The following CLSTN2 variants were observed in gnomAD, a reference collection of about 807,000 sequenced individuals.
The protein encoded by CLSTN2 is calsyntenin-2.
Under a neutral mutation model 101.2 loss-of-function variants are expected in CLSTN2, and 48 were observed. The ratio of observed to expected loss-of-function variants is 0.47; its 90% CI spans 0.38 to 0.60. The LOEUF is 0.60. Ranked by LOEUF, CLSTN2 falls within the 20% of genes least tolerant of loss-of-function variation. CLSTN2 has a pLI of 0.00. For synonymous variants in CLSTN2, 481 were observed against 463.6 expected (o/e 1.04, Z -0.48); for missense variants, 1,160 against 1,238.2 (o/e 0.94, Z 0.95).
intron 2 of CLSTN2, among the ~76,000 whole-genome samples, chr3:140,303,562 A>C (rs761780786): frequency 6.6e-6 from 1 of 152,166 alleles, no homozygotes; most frequent in Non-Finnish European, 1.5e-5. Context: ...AGGTCTCTAC[A>C]GTTTACAAAA....
intron 9 of CLSTN2, 45 bp from the exon 10 acceptor site, chr3:140,546,470 C>A: frequency 6.3e-7 from 1 of 1,595,340 alleles, no homozygotes; most frequent in South Asian, 1.1e-5. Context: ...GGTGCTGTTT[C>A]CTACCCAGTC....
chr3:140,453,055 A>G (rs1933288685), intron 6 of CLSTN2, among the ~76,000 whole-genome samples: 1 of 152,228 alleles, frequency 6.6e-6, no homozygotes, highest in Non-Finnish European at 1.5e-5. Flanking sequence ...TAAATGTGAC[A>G]TTAACAACAG....
chr3:140,468,765 T>G (rs1260451380), intron 8 of CLSTN2, among the ~76,000 whole-genome samples: 1 of 152,224 alleles, frequency 6.6e-6, no homozygotes, highest in Non-Finnish European at 1.5e-5. Flanking sequence ...AAAATTTGCA[T>G]TTCTAAATTT....
intron 2 of CLSTN2, among the ~76,000 whole-genome samples, chr3:140,341,678 T>A (rs2087494507): frequency 6.6e-6 from 1 of 152,090 alleles, no homozygotes; most frequent in Admixed American, 6.5e-5. Context: ...TGTGTTCAAG[T>A]ATTGCTGGTA....
At chr3:140,199,628 A>G (rs79338545) in intron 2 of CLSTN2, among the ~76,000 whole-genome samples, 3,099 of 152,168 alleles carry the variant, frequency 0.02, 40 homozygotes, top group Non-Finnish European at 0.034. Flanking sequence ...TATACTGCAC[A>G]TTTTTTTCTT....
At chr3:140,187,861 G>A (rs767474364) in intron 2 of CLSTN2, among the ~76,000 whole-genome samples, 14 of 152,284 alleles carry the variant, frequency 9.2e-5, no homozygotes, top group Admixed American at 1.3e-4. Flanking sequence ...TAGTCAGACA[G>A]CAGGGGAGTG....
At chr3:140,503,893 C>A (rs1934632139) in intron 8 of CLSTN2, among the ~76,000 whole-genome samples, 1 of 152,156 alleles carries the variant, frequency 6.6e-6, no homozygotes, top group Non-Finnish European at 1.5e-5. Flanking sequence ...AAGGGGGCTC[C>A]TTAGGAAGAA....
chr3:140,429,198 A>AT (rs904040256), intron 5 of CLSTN2, among the ~76,000 whole-genome samples: 11 of 151,420 alleles, frequency 7.3e-5, no homozygotes, highest in East Asian at 1.9e-4. Flanking sequence ...GGTGGGAAAT[A>AT]TTTTTTTTTG....
intron 2 of CLSTN2, among the ~76,000 whole-genome samples, chr3:140,364,352 C>T (rs1191154067): frequency 1.3e-5 from 2 of 152,168 alleles, no homozygotes; most frequent in Admixed American, 1.3e-4. Context: ...GTATCATTCC[C>T]TTCTAAGAAC....
chr3:140,091,215 G>C (rs550001394), intron 1 of CLSTN2, among the ~76,000 whole-genome samples: 30 of 152,244 alleles, frequency 2.0e-4, no homozygotes, highest in African/African-American at 6.5e-4. Flanking sequence ...AACATAAGGT[G>C]CCCAACAGCA....
intron 8 of CLSTN2, among the ~76,000 whole-genome samples, chr3:140,492,593 A>C (rs1934373967): frequency 6.6e-6 from 1 of 152,246 alleles, no homozygotes; most frequent in Non-Finnish European, 1.5e-5. Context: ...ACAGTCACTC[A>C]CCTTACAACC....
At chr3:139,942,483 A>G (rs1265939167) in intron 1 of CLSTN2, among the ~76,000 whole-genome samples, 2 of 152,166 alleles carry the variant, frequency 1.3e-5, no homozygotes, top group African/African-American at 4.8e-5. Context: ...ACTCCGTTTT[A>G]GGCCAGGATA....
chr3:140,308,112 G>C (rs186971346), intron 2 of CLSTN2, among the ~76,000 whole-genome samples: 2 of 152,294 alleles, frequency 1.3e-5, no homozygotes, highest in East Asian at 3.9e-4. Context: ...AAGTATACTA[G>C]GGTGTCCAGT....
At chr3:140,346,663 CT>C (rs1559845135) in intron 2 of CLSTN2, among the ~76,000 whole-genome samples, 1 of 152,224 alleles carries the variant, frequency 6.6e-6, no homozygotes, top group Admixed American at 6.5e-5. Context: ...GGGCTGAAAA[CT>C]TACTTTTCAG....
chr3:140,099,306 A>G (rs2008926160), intron 1 of CLSTN2, among the ~76,000 whole-genome samples: 1 of 152,054 alleles, frequency 6.6e-6, no homozygotes, highest in Non-Finnish European at 1.5e-5. Context: ...GCTCTAGGGG[A>G]AAGTTTTTCC....
intron 2 of CLSTN2, among the ~76,000 whole-genome samples, chr3:140,380,819 G>A (rs1301293677): frequency 7.2e-5 from 11 of 152,174 alleles, no homozygotes; most frequent in Non-Finnish European, 4.4e-5. Context: ...TTCCTTCTGG[G>A]GTCCTGTCTT....
In CLSTN2 at chr3:140,070,795, A is replaced by G. The variant is rs549656892; in HGVS notation, c.110-105156A>G. Among the ~76,000 whole-genome samples the G allele has an allele frequency of 2.0e-5, 3 of 152,258 alleles. No individual in the cohort carries two copies. The South Asian group carries it at 6.2e-4, about 32-fold the overall frequency. ...ATCCAGCCCACTGCTGTTTTTGTAA[A>G]TAAAATTTTATTAGAACACAGCCAC... On this transcript the variant is annotated intron_variant, in intron 1 of 16. Coordinates refer to ENST00000458420, the MANE Select transcript of CLSTN2 (RefSeq NM_022131.3).
chr3:140,446,444 G>A (rs1001427274), intron 5 of CLSTN2, among the ~76,000 whole-genome samples: 24 of 152,158 alleles, frequency 1.6e-4, no homozygotes, highest in African/African-American at 5.8e-4. Context: ...GGCAGCTGGT[G>A]ACCATGGGGG....
chr3:140,319,934 G>A (rs1019468581), intron 2 of CLSTN2, among the ~76,000 whole-genome samples: 2 of 152,228 alleles, frequency 1.3e-5, no homozygotes, highest in Non-Finnish European at 2.9e-5. Flanking sequence ...GCTGCTTTAT[G>A]GCTTTTCCAT....
Sources: allele counts gnomAD v4.1 joint callset (sites outside exome capture counted in the v4.1 genomes callset), GRCh38; gene constraint gnomAD v4.1.1; transcripts MANE v1.5; gene names NCBI Gene and HGNC (gene_info 2026-07-23, HGNC 2026-07-21).